Variants in TRAPPC9 observed in about 807,000 individuals in gnomAD.
TRAPPC9 encodes the protein trafficking protein particle complex subunit 9.
A neutral mutation model predicts 124.0 loss-of-function variants in TRAPPC9; 83 were observed. That is an observed-to-expected ratio of 0.67 (90% CI 0.56 to 0.80). The LOEUF (loss-of-function observed/expected upper bound fraction) is 0.80, where lower values mean the gene tolerates loss of function less well. Among genes scored for constraint, TRAPPC9 ranks in the 30% least tolerant of loss-of-function variants. The pLI, the probability that TRAPPC9 is intolerant of heterozygous loss-of-function variation, is 0.00. For missense variants in TRAPPC9, 1,302 were observed against 1,508.3 expected, an observed-to-expected ratio of 0.86 and a Z score of 2.27; for synonymous variants, 638 against 617.5, an observed-to-expected ratio of 1.03 and a Z score of -0.49.
chr8:139,826,961 G>A (rs1825682403), intron 21 of TRAPPC9, among the ~76,000 whole-genome samples: 2 of 152,200 alleles, frequency 1.3e-5, no homozygotes, highest in African/African-American at 2.4e-5. Flanking sequence ...GGGAATATAC[G>A]TGTGATCAAA....
intron 10 of TRAPPC9, among the ~76,000 whole-genome samples, chr8:140,301,947 C>A (rs973373917): frequency 6.6e-6 from 1 of 152,240 alleles, no homozygotes; most frequent in Non-Finnish European, 1.5e-5. Context: ...CCAACCCACA[C>A]CAAACTTGTG....
chr8:140,306,702 T>C (rs1261807816), intron 10 of TRAPPC9, among the ~76,000 whole-genome samples: 2 of 152,128 alleles, frequency 1.3e-5, no homozygotes, highest in East Asian at 1.9e-4. Flanking sequence ...GAGAAGCATA[T>C]AACCAGCCCT....
At chr8:140,239,973 G>GTACA (rs2063820905) in intron 16 of TRAPPC9, among the ~76,000 whole-genome samples, 1 of 152,160 alleles carries the variant, frequency 6.6e-6, no homozygotes, top group Admixed American at 6.5e-5. Flanking sequence ...CAATTTCAGA[G>GTACA]TACAATAAGG....
intron 17 of TRAPPC9, among the ~76,000 whole-genome samples, chr8:140,203,647 C>T (rs925620270): frequency 6.6e-6 from 1 of 152,220 alleles, no homozygotes; most frequent in South Asian, 2.1e-4. Flanking sequence ...AGCTAACAGA[C>T]AAGCACAAGG....
chr8:140,250,971 CAG>C (rs1447444072), intron 16 of TRAPPC9, among the ~76,000 whole-genome samples: 5 of 152,166 alleles, frequency 3.3e-5, no homozygotes, highest in Non-Finnish European at 5.9e-5. Flanking sequence ...CTTAGAAGGG[CAG>C]AGAGACTGCC....
chr8:140,081,746 G>C (rs1419672529), intron 17 of TRAPPC9, among the ~76,000 whole-genome samples: 1 of 152,128 alleles, frequency 6.6e-6, no homozygotes. Context: ...ACGTTCTTTT[G>C]GGGCGGGGAC....
At chr8:139,936,479 A>G (rs1179594369) in intron 19 of TRAPPC9, among the ~76,000 whole-genome samples, 1 of 152,178 alleles carries the variant, frequency 6.6e-6, no homozygotes, top group African/African-American at 2.4e-5. Context: ...CAGAGCTGGG[A>G]GCCCATCCAG....
chr8:140,235,450 G>A (rs1419603077), intron 16 of TRAPPC9, among the ~76,000 whole-genome samples: 1 of 152,180 alleles, frequency 6.6e-6, no homozygotes, highest in Non-Finnish European at 1.5e-5. Context: ...AAATCAGTTG[G>A]AAGGTAAATA....
intron 14 of TRAPPC9, among the ~76,000 whole-genome samples, chr8:140,277,376 G>T (rs2065159987): frequency 6.6e-6 from 1 of 152,214 alleles, no homozygotes; most frequent in Non-Finnish European, 1.5e-5. Context: ...TGTCAAGGAA[G>T]GAAAATTGGA....
At chr8:140,377,173 C>G (rs777437437) in intron 7 of TRAPPC9, among the ~76,000 whole-genome samples, 1 of 152,206 alleles carries the variant, frequency 6.6e-6, no homozygotes, top group African/African-American at 2.4e-5. Context: ...AGAAATACTG[C>G]CTATTTTACC....
intron 18 of TRAPPC9, among the ~76,000 whole-genome samples, chr8:140,014,804 C>A (rs1194309807): frequency 6.6e-6 from 1 of 152,142 alleles, no homozygotes; most frequent in Non-Finnish European, 1.5e-5. Flanking sequence ...AATGTAACAC[C>A]CCCAGATAGG....
At chr8:139,924,149 G>A (rs972369354) in intron 19 of TRAPPC9, among the ~76,000 whole-genome samples, 39 of 152,332 alleles carry the variant, frequency 2.6e-4, no homozygotes, top group Admixed American at 1.2e-3. Flanking sequence ...TCCAAGCTCT[G>A]CCTCAGTATC....
chr8:140,303,184 T>C (rs891185543), intron 10 of TRAPPC9, among the ~76,000 whole-genome samples: 2 of 152,182 alleles, frequency 1.3e-5, no homozygotes. Context: ...TCACTCTCAC[T>C]AGAGGATTTG....
chr8:140,329,907 G>A (rs148530031), intron 9 of TRAPPC9, among the ~76,000 whole-genome samples: 253 of 151,996 alleles, frequency 1.7e-3, no homozygotes, highest in East Asian at 4.9e-3. Flanking sequence ...GTGAAACCCC[G>A]TCTCTACTAA....
Position 140,038,745 on chromosome 8 carries a change from G to A in TRAPPC9, c.2557-14666C>T, listed in dbSNP as rs114086769. Among the ~76,000 whole-genome samples the A allele has an allele frequency of 6.8e-3, 1,031 of 152,310 alleles. 11 individuals carry two copies. Among genetic ancestry groups the A allele is most frequent in the African/African-American group, 0.023 (968 of 41,552 alleles). On this transcript the variant is annotated intron_variant, in intron 17 of 22. Transcript: ENST00000438773. ...AGAGGCAGCTGAGCACAGAGGTCTC[G>A]ACAGGAAACCAGATGTGCCAATATC...
chr8:140,054,319 T>TTTCG (rs1842177141), intron 17 of TRAPPC9, among the ~76,000 whole-genome samples: 1 of 152,166 alleles, frequency 6.6e-6, no homozygotes, highest in Non-Finnish European at 1.5e-5. Context: ...GAATCTAAAA[T>TTTCG]TTTGTTTCAA....
At chr8:140,306,376 C>T (rs577542627) in intron 10 of TRAPPC9, among the ~76,000 whole-genome samples, 1 of 152,008 alleles carries the variant, frequency 6.6e-6, no homozygotes, top group South Asian at 2.1e-4. Context: ...CACCTGTAGT[C>T]CCAGCTACTC....
At chr8:139,995,487 A>G (rs987679227) in intron 18 of TRAPPC9, among the ~76,000 whole-genome samples, 6 of 152,096 alleles carry the variant, frequency 3.9e-5, no homozygotes, top group African/African-American at 4.8e-5. Flanking sequence ...AGGTCCCAAA[A>G]CCAGGGGGCC....
Position 140,024,213 on chromosome 8 carries a change from G to C in TRAPPC9, c.2557-134C>G, listed in dbSNP as rs945474534. On this transcript the variant is annotated intron_variant, in intron 17 of 22. Coordinates refer to ENST00000438773, the MANE Select transcript of TRAPPC9 (RefSeq NM_001160372.4). ...ACTAGTCAAGTCATCAGCATTGGCCGACTCACAACCCCGGCGGGTACCGAC... is the reference window on the plus strand; with the variant it reads ...ACTAGTCAAGTCATCAGCATTGGCCCACTCACAACCCCGGCGGGTACCGAC... 2.6e-6 allele frequency: 3 copies of C among 1,147,106 alleles called. No homozygotes were observed. The East Asian group carries it at 7.4e-5, about 28-fold the overall frequency. The allele number at this position is 1,147,106 out of a possible 1,614,324, so 71.1% of individuals were successfully genotyped here.
Sources: gnomAD v4.1 joint callset for allele counts (sites outside exome capture counted in the v4.1 genomes callset) on GRCh38, gnomAD v4.1.1 for gene constraint, MANE v1.5 for transcripts, NCBI Gene and HGNC (gene_info 2026-07-23, HGNC 2026-07-21) for gene names.